IFFO2: variants seen among roughly 807,000 people sequenced by gnomAD.
IFFO2 encodes the protein intermediate filament family orphan 2.
IFFO2 carries 19 observed loss-of-function variants against 53.5 expected under a neutral mutation model. The observed-to-expected ratio is 0.36, with a 90% CI of 0.25 to 0.52. The LOEUF is 0.52. IFFO2 is among the 20% of genes least tolerant of loss of function. The probability of loss-of-function intolerance (pLI) is 0.94; values close to 1 mark genes in which losing one functional copy is unlikely to be tolerated. For missense variants in IFFO2, 570 were observed against 727.4 expected, an observed-to-expected ratio of 0.78 and a Z score of 2.49; for synonymous variants, 303 against 313.6, an observed-to-expected ratio of 0.97 and a Z score of 0.36.
rs1936602510 is a variant in IFFO2, at chr1:18,947,265, C to T, written c.665+8403G>A. ...CCCAGGGCGGAGGCGAGCTCCCAAA[C>T]AGCCACCAGAATGCCCGAGGCCCTC... On this transcript the variant is annotated intron_variant, in intron 1 of 8. Coordinates refer to ENST00000455833, the MANE Select transcript of IFFO2 (RefSeq NM_001136265.2). The surrounding 1 kb of genome is among the most constrained non-coding windows in gnomAD (Gnocchi z 5.0). 6.6e-6 allele frequency among the ~76,000 whole-genome samples: 1 copy of T among 152,244 alleles called. No individual in the cohort carries two copies. The highest frequency in any genetic ancestry group is 1.5e-5 in the Non-Finnish European group (1 of 68,040).
At chr1:18,953,649 T>G (rs1174931613) in intron 1 of IFFO2, among the ~76,000 whole-genome samples, 2 of 151,454 alleles carry the variant, frequency 1.3e-5, no homozygotes, top group Non-Finnish European at 2.9e-5. Context: ...CCAACATGAG[T>G]CTTGAGTTAA....
Position 18,956,349 on chromosome 1 carries a change from T to A in IFFO2, c.-17A>T. On this transcript the variant is annotated 5_prime_UTR_variant, in exon 1 of 9. Transcript: ENST00000455833. The surrounding 1 kb of genome is among the most constrained non-coding windows in gnomAD (Gnocchi z 6.4). The stretch of plus-strand genomic sequence containing the variant: ...GTTCACCATGCGCCGGCTGCGCGGC[T>A]CAGGGCCCCGGGCCCGCGGCTCCAG... The A allele has an allele frequency of 3.7e-6, 1 of 267,548 alleles. No individual in the cohort carries two copies. The highest frequency in any genetic ancestry group is 6.2e-6 in the Non-Finnish European group (1 of 161,996). 16.6% of individuals were successfully genotyped at this position (267,548 alleles called of 1,614,324 possible). A position where few individuals can be genotyped will look rare whatever the true frequency, so the allele number is the denominator to read the frequency against.
chr1:18,914,866 T>C (rs1313003327), intron 5 of IFFO2, among the ~76,000 whole-genome samples: 1 of 143,432 alleles, frequency 7.0e-6, no homozygotes, highest in Non-Finnish European at 1.5e-5. Flanking sequence ...CAGCAAAAGA[T>C]GAGAATATGA....
chr1:18,908,397 G>A lies in IFFO2; in HGVS notation c.*164C>T. 1.7e-6 allele frequency: 1 copy of A among 596,744 alleles called. No homozygotes were observed. Among genetic ancestry groups the A allele is most frequent in the Non-Finnish European group, 3.0e-6 (1 of 331,662 alleles). 37.0% of individuals were successfully genotyped at this position (596,744 alleles called of 1,614,324 possible). On this transcript the variant is annotated 3_prime_UTR_variant, in exon 9 of 9. Transcript: ENST00000455833. ...CGGGGCACCCGTTGGTGGTGTGGAA[G>A]GAAGGAAGGAAGCAGCAGTCCCTCA...
chr1:18,947,598 G>A lies in IFFO2; in HGVS notation c.665+8070C>T, dbSNP rs897838976. 3.9e-5 allele frequency among the ~76,000 whole-genome samples: 6 copies of A among 152,030 alleles called. No individual in the cohort carries two copies. Among genetic ancestry groups the A allele is most frequent in the Admixed American group, 2.0e-4 (3 of 15,268 alleles). On this transcript the variant is annotated intron_variant, in intron 1 of 8. Transcript: ENST00000455833. The surrounding 1 kb of genome is among the most constrained non-coding windows in gnomAD (Gnocchi z 5.0). ...GCCACCACCGGGTTTAAATGAGACCGCGTGGAAATCACCAGACGGGTCATA... is the reference window on the plus strand; with the variant it reads ...GCCACCACCGGGTTTAAATGAGACCACGTGGAAATCACCAGACGGGTCATA...
chr1:18,928,483 G>A lies in IFFO2; in HGVS notation c.666-7362C>T, dbSNP rs977932245. Among the ~76,000 whole-genome samples the A allele has an allele frequency of 6.6e-6, 1 of 152,204 alleles. No homozygotes were observed. The highest frequency in any genetic ancestry group is 1.9e-4 in the East Asian group (1 of 5,200). ...AGCACAGGCTGTACACTGAGGATGG[G>A]GGCCAGGTTTGAGAAGCCACTAATC... On this transcript the variant is annotated intron_variant, in intron 1 of 8. Coordinates refer to ENST00000455833, the MANE Select transcript of IFFO2 (RefSeq NM_001136265.2). This position sits in a 1 kb window ranked among gnomAD's most constrained non-coding sequence, Gnocchi z 4.9.
Position 18,907,856 on chromosome 1 carries a change from G to C in IFFO2, c.*705C>G, listed in dbSNP as rs1935973949. ...TGTTGTTTGTTTTGTTTTTTGCATAGTAGTTTAAACACAGTGAGGCTCTGC... is the reference window on the plus strand; with the variant it reads ...TGTTGTTTGTTTTGTTTTTTGCATACTAGTTTAAACACAGTGAGGCTCTGC... On this transcript the variant is annotated 3_prime_UTR_variant, in exon 9 of 9. Coordinates refer to ENST00000455833, the MANE Select transcript of IFFO2 (RefSeq NM_001136265.2). 1 of 152,370 alleles carries C rather than the reference G, an allele frequency of 6.6e-6. No individual in the cohort carries two copies. Among genetic ancestry groups the C allele is most frequent in the South Asian group, 2.1e-4 (1 of 4,844 alleles). 9.4% of individuals were successfully genotyped at this position (152,370 alleles called of 1,614,324 possible).
intron 1 of IFFO2, among the ~76,000 whole-genome samples, chr1:18,938,181 C>A (rs988225835): frequency 5.9e-5 from 9 of 152,234 alleles, no homozygotes; most frequent in Admixed American, 4.6e-4. Flanking sequence ...TCTGCTAAAG[C>A]GACTTTACCT....
chr1:18,934,967 G>A (rs1936426138), intron 1 of IFFO2, among the ~76,000 whole-genome samples: 1 of 152,130 alleles, frequency 6.6e-6, no homozygotes, highest in Non-Finnish European at 1.5e-5. Flanking sequence ...TACCCAGATT[G>A]GGTTTCTGGA....
At chr1:18,945,350 G>A (rs1266252027) in intron 1 of IFFO2, among the ~76,000 whole-genome samples, 1 of 152,130 alleles carries the variant, frequency 6.6e-6, no homozygotes, top group East Asian at 1.9e-4. Context: ...AGTGGGCCAG[G>A]AGCAAAACGG....
rs1936145288 is a variant in IFFO2, at chr1:18,917,149, T to C, written c.964-107A>G. 3.1e-6 allele frequency: 4 copies of C among 1,306,396 alleles called. No homozygotes were observed. The highest frequency in any genetic ancestry group is 1.0e-6 in the Non-Finnish European group (1 of 954,306). 80.9% of individuals were successfully genotyped at this position (1,306,396 alleles called of 1,614,324 possible). A position where few individuals can be genotyped will look rare whatever the true frequency, so the allele number is the denominator to read the frequency against. On this transcript the variant is annotated intron_variant, in intron 4 of 8. Coordinates refer to ENST00000455833, the MANE Select transcript of IFFO2 (RefSeq NM_001136265.2). This position sits in a 1 kb window ranked among gnomAD's most constrained non-coding sequence, Gnocchi z 5.9. ...CATCTCACAGGATGATGAGCGTGAC[T>C]GGGGCCGGCCAGTGCCAGGAAAGGT... is the stretch of plus-strand genomic sequence containing the variant.
In IFFO2 at chr1:18,916,390, T is replaced by C. The variant is rs1216539400; in HGVS notation, c.1103+513A>G. Among the ~76,000 whole-genome samples the C allele has an allele frequency of 6.6e-6, 1 of 152,188 alleles. No individual in the cohort carries two copies. Among genetic ancestry groups the C allele is most frequent in the Non-Finnish European group, 1.5e-5 (1 of 68,030 alleles). ...AGCTGCCATCCAGCCCTGTCAACTG[T>C]GCCCCAGGCTCAGCAATGCCTGACC... On this transcript the variant is annotated intron_variant, in intron 5 of 8. Transcript: ENST00000455833. The surrounding 1 kb of genome is among the most constrained non-coding windows in gnomAD (Gnocchi z 4.3).
In IFFO2 at chr1:18,928,144, T is replaced by C. The variant is rs1034430091; in HGVS notation, c.666-7023A>G. ...TTCTCCCCCGAAAATGGACAGCCAATAAGCTCTAGCCCCTGCGCATGAAAG... is the reference window on the plus strand; with the variant it reads ...TTCTCCCCCGAAAATGGACAGCCAACAAGCTCTAGCCCCTGCGCATGAAAG... On this transcript the variant is annotated intron_variant, in intron 1 of 8. Coordinates refer to ENST00000455833, the MANE Select transcript of IFFO2 (RefSeq NM_001136265.2). The surrounding 1 kb of genome is among the most constrained non-coding windows in gnomAD (Gnocchi z 4.9). 6.6e-6 allele frequency among the ~76,000 whole-genome samples: 1 copy of C among 151,994 alleles called. No homozygotes were observed. Among genetic ancestry groups the C allele is most frequent in the Non-Finnish European group, 1.5e-5 (1 of 67,996 alleles).
Position 18,905,237 on chromosome 1 carries a change from T to A in IFFO2, c.*3324A>T, listed in dbSNP as rs1935930286. On this transcript the variant is annotated 3_prime_UTR_variant, in exon 9 of 9. Coordinates refer to ENST00000455833, the MANE Select transcript of IFFO2 (RefSeq NM_001136265.2). ...CAGAGGAGAGGAGAATGGGGTGAAG[T>A]GGGACCTACACTCTGCTGAAGCTGC... 1 of 147,410 alleles carries A rather than the reference T, an allele frequency of 6.8e-6. No homozygotes were observed. Among genetic ancestry groups the A allele is most frequent in the Non-Finnish European group, 1.5e-5 (1 of 67,194 alleles). The allele number at this position is 147,410 out of a possible 1,614,324, so 9.1% of individuals were successfully genotyped here.
chr1:18,935,321 A>G (rs1293837282), intron 1 of IFFO2, among the ~76,000 whole-genome samples: 2 of 152,184 alleles, frequency 1.3e-5, no homozygotes, highest in African/African-American at 2.4e-5. Flanking sequence ...AAGGGTAGAC[A>G]GAGGTCTCAC....
rs955558701 is a variant in IFFO2 at position 18,919,227 on chromosome 1, C to T, written c.822+451G>A. ...CCCCAGATTGTCAAAAAGACACGCG[C>T]ACTGGCCTTTCCTGACCTCATGGAG... is the stretch of plus-strand genomic sequence containing the variant. On this transcript the variant is annotated intron_variant, in intron 3 of 8. Transcript: ENST00000455833. This position sits in a 1 kb window ranked among gnomAD's most constrained non-coding sequence, Gnocchi z 4.9. Among the ~76,000 whole-genome samples, 5 of 152,220 alleles carry T rather than the reference C, an allele frequency of 3.3e-5. No individual in the cohort carries two copies. Among genetic ancestry groups the T allele is most frequent in the African/African-American group, 7.2e-5 (3 of 41,468 alleles).
intron 5 of IFFO2, among the ~76,000 whole-genome samples, chr1:18,913,667 G>A (rs920465589): frequency 6.6e-6 from 1 of 152,204 alleles, no homozygotes; most frequent in Non-Finnish European, 1.5e-5. Flanking sequence ...GCCAGGGGCA[G>A]CCTGGCTAGG....
rs60945638 is a variant in IFFO2, at chr1:18,908,075, T to C, written c.*486A>G. 11,427 of 164,528 alleles carry C rather than the reference T, an allele frequency of 0.069. 1,056 individuals carry two copies. The highest frequency in any genetic ancestry group is 0.22 in the African/African-American group (8,990 of 41,806). The allele number at this position is 164,528 out of a possible 1,614,324, so 10.2% of individuals were successfully genotyped here. A position where few individuals can be genotyped will look rare whatever the true frequency, so the allele number is the denominator to read the frequency against. On this transcript the variant is annotated 3_prime_UTR_variant, in exon 9 of 9. Coordinates refer to ENST00000455833, the MANE Select transcript of IFFO2 (RefSeq NM_001136265.2). ...TGGGGGTTGGCAGAGCACCCCAAGC[T>C]CCAGGCCGAGTCTGGGCTGGCTCAG...
Position 18,912,059 on chromosome 1 carries a change from G to T in IFFO2, c.1128C>A (p.Asp376Glu), listed in dbSNP as rs755663116. 3 of 1,551,626 alleles carry T rather than the reference G, an allele frequency of 1.9e-6. No homozygotes were observed. The South Asian group carries it at 3.6e-5, about 18-fold the overall frequency. The change falls in exon 6 of 9, where the codon GAC (aspartate) becomes GAA (glutamate). Residue 376 changes from aspartate (D) to glutamate (E), a missense_variant. Transcript: ENST00000455833. ...CTTCCCACGTCAGGCTGTCACAGTC[G>T]TCGTCAAAGTCAAAGGTCTCCCGCC... is the stretch of plus-strand genomic sequence containing the variant. ...NQLRETFDFD[D>E]DCDSLTWEEN...
Sources: gnomAD v4.1 joint callset for allele counts (sites outside exome capture counted in the v4.1 genomes callset) on GRCh38, gnomAD v4.1.1 for gene constraint, Gnocchi (gnomAD v3.1) non-coding constraint, MANE v1.5 for transcripts, NCBI Gene and HGNC (gene_info 2026-07-23, HGNC 2026-07-21) for gene names.